The following SIPA1L1 variants were observed in gnomAD, a reference collection of about 807,000 sequenced individuals.
SIPA1L1 encodes the protein signal induced proliferation associated 1 like 1.
A neutral mutation model predicts 162.7 loss-of-function variants in SIPA1L1; 26 were observed. That is an observed-to-expected ratio of 0.16 (90% CI 0.12 to 0.22). The LOEUF (loss-of-function observed/expected upper bound fraction) is 0.22, where lower values mean the gene tolerates loss of function less well. SIPA1L1 is among the 10% of genes least tolerant of loss of function. SIPA1L1 has a pLI of 1.00. For synonymous variants in SIPA1L1, 829 were observed against 837.4 expected (o/e 0.99, Z 0.17); for missense variants, 1,874 against 2,241.0 (o/e 0.84, Z 3.31).
At chr14:71,727,214 A>G (rs905361967) in intron 19 of SIPA1L1, among the ~76,000 whole-genome samples, 2 of 152,140 alleles carry the variant, frequency 1.3e-5, no homozygotes, top group Non-Finnish European at 2.9e-5. Flanking sequence ...GCTCTCAGGT[A>G]TATACCAAAG....
Position 71,616,081 on chromosome 14 carries a change from C to T in SIPA1L1, c.1499-2676C>T, listed in dbSNP as rs767949050. 3.9e-4 allele frequency among the ~76,000 whole-genome samples: 60 copies of T among 152,074 alleles called. 1 individual carries two copies. The highest frequency in any genetic ancestry group is 1.7e-3 in the Admixed American group (26 of 15,272). On this transcript the variant is annotated intron_variant, in intron 5 of 23. Transcript: ENST00000381232. ...AGAGGACATGTAGACCTCTGAGAGT[C>T]GTCAACATTGAGGTGGCAGTTGAAG...
At chr14:71,487,112 C>G (rs2142945299) in intron 2 of SIPA1L1, among the ~76,000 whole-genome samples, 1 of 152,302 alleles carries the variant, frequency 6.6e-6, no homozygotes, top group South Asian at 2.1e-4. Context: ...AAGTTCTCTG[C>G]ATGAAAAGTT....
At chr14:71,532,725 G>T (rs1232093360) in intron 4 of SIPA1L1, among the ~76,000 whole-genome samples, 4 of 152,230 alleles carry the variant, frequency 2.6e-5, no homozygotes, top group African/African-American at 9.6e-5. Flanking sequence ...TAGAGGGTAC[G>T]TATACACTGA....
At chr14:71,696,743 T>G (rs1408265886) in intron 13 of SIPA1L1, among the ~76,000 whole-genome samples, 3 of 152,246 alleles carry the variant, frequency 2.0e-5, no homozygotes, top group Admixed American at 6.5e-5. Flanking sequence ...AGACAGAATC[T>G]TAATTCACAT....
At chr14:71,437,772 T>C (rs1458420209) in intron 2 of SIPA1L1, among the ~76,000 whole-genome samples, 1 of 152,214 alleles carries the variant, frequency 6.6e-6, no homozygotes, top group Non-Finnish European at 1.5e-5. Context: ...TGCTGAATCA[T>C]ATTTTAGGGC....
chr14:71,518,867 G>C (rs2052008683), intron 3 of SIPA1L1, among the ~76,000 whole-genome samples: 1 of 152,108 alleles, frequency 6.6e-6, no homozygotes, highest in Non-Finnish European at 1.5e-5. Flanking sequence ...GGCTGGGGAG[G>C]CCTCAGAATC....
chr14:71,465,766 A>G (rs1161005370), intron 2 of SIPA1L1, among the ~76,000 whole-genome samples: 2 of 152,190 alleles, frequency 1.3e-5, no homozygotes, highest in Non-Finnish European at 2.9e-5. Flanking sequence ...ATTAACTTAC[A>G]CGATCACAAG....
rs1230359750 is a variant in SIPA1L1, at chr14:71,740,345, C to G, written c.*1184C>G. The G allele has an allele frequency of 6.6e-6, 1 of 152,172 alleles. No homozygotes were observed. The highest frequency in any genetic ancestry group is 2.4e-5 in the African/African-American group (1 of 41,422). The allele number at this position is 152,172 out of a possible 1,614,324, so 9.4% of individuals were successfully genotyped here. ...TTCCGCTGCAGAAATTATTGATGTG[C>G]TATTTTTGCTGTCTTGTGATGCAGG... is the stretch of plus-strand genomic sequence containing the variant. On this transcript the variant is annotated 3_prime_UTR_variant, in exon 24 of 24. Coordinates refer to ENST00000381232, the MANE Select transcript of SIPA1L1 (RefSeq NM_001386936.1).
At chr14:71,600,385 T>G (rs948084634) in intron 5 of SIPA1L1, among the ~76,000 whole-genome samples, 2 of 152,206 alleles carry the variant, frequency 1.3e-5, no homozygotes, top group African/African-American at 4.8e-5. Flanking sequence ...CTTGACACCT[T>G]TGTCAAAAAT....
chr14:71,369,770 G>A (rs1486154178), intron 2 of SIPA1L1, among the ~76,000 whole-genome samples: 73 of 146,004 alleles, frequency 5.0e-4, no homozygotes, highest in Non-Finnish European at 5.7e-4. Context: ...CCATTTTCAC[G>A]ATATTGATTC....
intron 2 of SIPA1L1, among the ~76,000 whole-genome samples, chr14:71,419,057 G>T (rs894008217): frequency 6.6e-6 from 1 of 152,170 alleles, no homozygotes; most frequent in Non-Finnish European, 1.5e-5. Flanking sequence ...CCTGATATCA[G>T]CCTCTCAGAG....
intron 5 of SIPA1L1, among the ~76,000 whole-genome samples, chr14:71,597,834 T>C (rs1323192379): frequency 1.3e-5 from 2 of 152,178 alleles, no homozygotes; most frequent in African/African-American, 4.8e-5. Flanking sequence ...CTCCCACCAC[T>C]GACCTGACCC....
chr14:71,516,435 G>GGAGTGCAGTGACACCATCGTAGCT (rs1364882756), intron 3 of SIPA1L1, among the ~76,000 whole-genome samples: 1 of 152,070 alleles, frequency 6.6e-6, no homozygotes, highest in Admixed American at 6.6e-5. Flanking sequence ...TACCCATGCT[G>GGAGTGCAGTGACACCATCGTAGCT]GAGTGCAGTG....
chr14:71,491,761 AACACACACAC>A lies in SIPA1L1; in HGVS notation c.-464-20939_-464-20930del, dbSNP rs59275638. Among the ~76,000 whole-genome samples, 557 of 97,956 alleles carry A rather than the reference AACACACACAC, an allele frequency of 5.7e-3. 8 individuals are homozygous for A. The highest frequency in any genetic ancestry group is 0.012 in the African/African-American group (301 of 25,244). 64.3% of individuals were successfully genotyped at this position (97,956 alleles called of 152,430 possible). On this transcript the variant is annotated intron_variant, in intron 2 of 23. Coordinates refer to ENST00000381232, the MANE Select transcript of SIPA1L1 (RefSeq NM_001386936.1). ...GTTTCAGGCTTAATGTTTTATTTCA[AACACACACAC>A]ACACACACACACACACACACACACA...
chr14:71,347,542 A>T (rs570762663), intron 2 of SIPA1L1, among the ~76,000 whole-genome samples: 1 of 152,128 alleles, frequency 6.6e-6, no homozygotes, highest in Non-Finnish European at 1.5e-5. Flanking sequence ...TAGTAACTCT[A>T]TGCTTAGTAA....
chr14:71,604,582 T>C (rs963717417), intron 5 of SIPA1L1, among the ~76,000 whole-genome samples: 8 of 152,236 alleles, frequency 5.3e-5, no homozygotes, highest in Non-Finnish European at 1.0e-4. Context: ...AAAGATGAGT[T>C]ATCTCAGCTT....
intron 8 of SIPA1L1, among the ~76,000 whole-genome samples, chr14:71,655,089 TG>T (rs1243649120): frequency 6.6e-6 from 1 of 152,094 alleles, no homozygotes; most frequent in African/African-American, 2.4e-5. Flanking sequence ...GATTTTGAGG[TG>T]GAGTAGGGTT....
At chr14:71,454,773 A>G (rs1332987261) in intron 2 of SIPA1L1, among the ~76,000 whole-genome samples, 2 of 152,178 alleles carry the variant, frequency 1.3e-5, no homozygotes. Context: ...TTTATTATAA[A>G]ACCATAGCTT....
At chr14:71,343,134 A>G (rs527677312) in intron 2 of SIPA1L1, among the ~76,000 whole-genome samples, 5 of 152,196 alleles carry the variant, frequency 3.3e-5, no homozygotes, top group African/African-American at 4.8e-5. Context: ...TTCACGTTAC[A>G]GACTTTTCAT....
Sources: allele counts gnomAD v4.1 joint callset (sites outside exome capture counted in the v4.1 genomes callset), GRCh38; gene constraint gnomAD v4.1.1; transcripts MANE v1.5; gene names NCBI Gene and HGNC (gene_info 2026-07-23, HGNC 2026-07-21).